The following OTUD7A variants were observed in gnomAD, a reference collection of about 807,000 sequenced individuals.
OTUD7A encodes the protein OTU deubiquitinase 7A.
A neutral mutation model predicts 65.7 loss-of-function variants in OTUD7A; 12 were observed. That is an observed-to-expected ratio of 0.18 (90% CI 0.12 to 0.30). The LOEUF is 0.30. Among genes scored for constraint, OTUD7A ranks in the 10% least tolerant of loss-of-function variants. The pLI is 1.00. For missense variants in OTUD7A, 1,148 were observed against 1,304.8 expected, an observed-to-expected ratio of 0.88 and a Z score of 1.85; for synonymous variants, 641 against 586.3, an observed-to-expected ratio of 1.09 and a Z score of -1.35.
rs752823076 is a variant in OTUD7A at position 31,857,516 on chromosome 15, A to C, written c.-100+12991T>G. Among the ~76,000 whole-genome samples, 4 of 152,174 alleles carry C rather than the reference A, an allele frequency of 2.6e-5. No homozygotes were observed. In the East Asian group the frequency reaches 7.7e-4, roughly 29 times the overall value. On this transcript the variant is annotated intron_variant, in intron 1 of 12. Transcript: ENST00000307050. ...ACTCGGGAAAGGAAATCACATAGGG[A>C]TGGCAAGCTGTCCTGGGAGAAGCCT...
chr15:31,530,660 C>A, intron 6 of OTUD7A, 47 bp downstream of exon 6: 5 of 1,530,622 alleles, frequency 3.3e-6, no homozygotes, highest in Non-Finnish European at 3.6e-6. Flanking sequence ...TCTTTCCTTA[C>A]GCAGGCCTGG....
At chr15:31,615,363 A>G (rs1890554983) in intron 3 of OTUD7A, among the ~76,000 whole-genome samples, 1 of 152,236 alleles carries the variant, frequency 6.6e-6, no homozygotes, top group Non-Finnish European at 1.5e-5. Flanking sequence ...ATGAAAATAA[A>G]ACTTTAGTAA....
chr15:31,677,964 G>T (rs183428925), intron 1 of OTUD7A, among the ~76,000 whole-genome samples: 1 of 152,328 alleles, frequency 6.6e-6, no homozygotes, highest in Admixed American at 6.5e-5. Flanking sequence ...TCAAAATGCT[G>T]ACAGTGAGAT....
rs1891869518 is a variant in OTUD7A at position 31,652,471 on chromosome 15, G to GA, written c.151+2624dup. Among the ~76,000 whole-genome samples the GA allele has an allele frequency of 2.0e-5, 3 of 152,282 alleles. No individual in the cohort carries two copies. In the South Asian group the frequency reaches 6.2e-4, roughly 32 times the overall value. On this transcript the variant is annotated intron_variant, in intron 3 of 12. Transcript: ENST00000307050. ...TATGTCACTCAAAGCATGATCCTCA[G>GA]AAAAAAGTCAGTTGGAACGCATCAG...
At chr15:31,519,294 G>A (rs956202244) in intron 8 of OTUD7A, among the ~76,000 whole-genome samples, 7 of 152,170 alleles carry the variant, frequency 4.6e-5, no homozygotes, top group African/African-American at 1.7e-4. Flanking sequence ...TTCTGTTTAC[G>A]TGATATATCA....
intron 1 of OTUD7A, among the ~76,000 whole-genome samples, chr15:31,735,171 T>A (rs1894153084): frequency 6.6e-6 from 1 of 152,166 alleles, no homozygotes; most frequent in Admixed American, 6.5e-5. Flanking sequence ...ATTAAAGACA[T>A]GCAAATCAAA....
intron 1 of OTUD7A, among the ~76,000 whole-genome samples, chr15:31,806,334 T>C (rs1896268978): frequency 6.6e-6 from 1 of 152,218 alleles, no homozygotes; most frequent in Admixed American, 6.5e-5. Flanking sequence ...TTTGCACTAA[T>C]GAGAGATTCC....
intron 1 of OTUD7A, among the ~76,000 whole-genome samples, chr15:31,733,665 T>C (rs2141364173): frequency 6.6e-6 from 1 of 152,340 alleles, no homozygotes; most frequent in East Asian, 1.9e-4. Flanking sequence ...AGGGCCATAA[T>C]ACCCGACAAA....
At chr15:31,742,301 T>A (rs954456002) in intron 1 of OTUD7A, among the ~76,000 whole-genome samples, 1 of 152,144 alleles carries the variant, frequency 6.6e-6, no homozygotes, top group African/African-American at 2.4e-5. Context: ...ATTGGTTATA[T>A]ACATTTATTA....
chr15:31,483,665 G>A lies in OTUD7A; in HGVS notation c.2431C>T (p.Leu811=). Residue 811 remains leucine, a synonymous_variant, in exon 13 of 13, where the codon CTG becomes TTG. Coordinates refer to ENST00000307050, the MANE Select transcript of OTUD7A (RefSeq NM_001382637.1). ...CATYPQQNRS[L]SSQSYSPARA... Reference sequence around the variant, plus strand: ...GCCGGGCTGTAGCTCTGCGACGACAGCGAGCGGTTCTGCTGCGGGTACGTG... The same window carrying A: ...GCCGGGCTGTAGCTCTGCGACGACAACGAGCGGTTCTGCTGCGGGTACGTG... 1 of 1,168,154 alleles carries A rather than the reference G, an allele frequency of 8.6e-7. No homozygotes were observed. Among genetic ancestry groups the A allele is most frequent in the African/African-American group, 1.6e-5 (1 of 61,370 alleles). The allele number at this position is 1,168,154 out of a possible 1,614,324, so 72.4% of individuals were successfully genotyped here.
Position 31,524,185 on chromosome 15 carries a change from C to G in OTUD7A, c.893+2164G>C, listed in dbSNP as rs568618811. Reference sequence around the variant, plus strand: ...CTTTCTCCACTGGAAACACCTGTTGCTGAAACCCTAGAAATGCCTCCTGCA... The same window carrying G: ...CTTTCTCCACTGGAAACACCTGTTGGTGAAACCCTAGAAATGCCTCCTGCA... On this transcript the variant is annotated intron_variant, in intron 8 of 12. Coordinates refer to ENST00000307050, the MANE Select transcript of OTUD7A (RefSeq NM_001382637.1). 5.9e-5 allele frequency among the ~76,000 whole-genome samples: 9 copies of G among 151,582 alleles called. No homozygotes were observed. The South Asian group carries it at 1.0e-3, about 18-fold the overall frequency.
At chr15:31,638,135 G>A (rs562714970) in intron 3 of OTUD7A, among the ~76,000 whole-genome samples, 2 of 152,052 alleles carry the variant, frequency 1.3e-5, no homozygotes, top group East Asian at 3.9e-4. Context: ...CAAACTTCAC[G>A]ATTGTCTTAT....
At chr15:31,619,659 G>C (rs555456410) in intron 3 of OTUD7A, among the ~76,000 whole-genome samples, 2 of 152,146 alleles carry the variant, frequency 1.3e-5, no homozygotes, top group South Asian at 4.2e-4. Flanking sequence ...AGCTTAAGGA[G>C]ATTTTGGGCT....
intron 1 of OTUD7A, among the ~76,000 whole-genome samples, chr15:31,773,089 T>C (rs1332082709): frequency 2.0e-5 from 3 of 152,270 alleles, no homozygotes; most frequent in African/African-American, 7.2e-5. Context: ...TATATGAATA[T>C]AAATTCTATA....
At chr15:31,492,540 G>T (rs2041330542) in intron 10 of OTUD7A, among the ~76,000 whole-genome samples, 1 of 148,518 alleles carries the variant, frequency 6.7e-6, no homozygotes, top group African/African-American at 2.5e-5. Flanking sequence ...GCAAGATCAT[G>T]CCACTGCACT....
chr15:31,571,528 T>C (rs917291952), intron 3 of OTUD7A, among the ~76,000 whole-genome samples: 1 of 152,194 alleles, frequency 6.6e-6, no homozygotes, highest in Non-Finnish European at 1.5e-5. Flanking sequence ...ATGGTGAATA[T>C]ATCATTTCAT....
At chr15:31,825,200 T>C (rs1303239292) in intron 1 of OTUD7A, among the ~76,000 whole-genome samples, 1 of 152,244 alleles carries the variant, frequency 6.6e-6, no homozygotes, top group Non-Finnish European at 1.5e-5. Context: ...CTTACTTTAT[T>C]AGTCCATTTT....
chr15:31,585,047 G>A (rs1455865098), intron 3 of OTUD7A, among the ~76,000 whole-genome samples: 2 of 152,318 alleles, frequency 1.3e-5, no homozygotes, highest in South Asian at 2.1e-4. Flanking sequence ...AGGACATTGC[G>A]CCTCCCTTTG....
rs569123901 is a variant in OTUD7A at position 31,590,518 on chromosome 15, TACAC to T, written c.152-20325_152-20322del. Among the ~76,000 whole-genome samples, 474 of 152,304 alleles carry T rather than the reference TACAC, an allele frequency of 3.1e-3. 1 individual carries two copies. The highest frequency in any genetic ancestry group is 5.2e-3 in the Non-Finnish European group (351 of 68,016). ...CATTCATCACGTGATGGAAATACCT[TACAC>T]ACACACATACATACATAGCAGGCAT... is the stretch of plus-strand genomic sequence containing the variant. On this transcript the variant is annotated intron_variant, in intron 3 of 12. Coordinates refer to ENST00000307050, the MANE Select transcript of OTUD7A (RefSeq NM_001382637.1).
Sources: allele counts gnomAD v4.1 joint callset (sites outside exome capture counted in the v4.1 genomes callset), GRCh38; gene constraint gnomAD v4.1.1; transcripts MANE v1.5; gene names NCBI Gene and HGNC (gene_info 2026-07-23, HGNC 2026-07-21).